MECOM: variants seen among roughly 807,000 people sequenced by gnomAD.
MECOM encodes the protein MDS1 and EVI1 complex locus.
Under a neutral mutation model 116.3 loss-of-function variants are expected in MECOM, and 13 were observed. That is an observed-to-expected ratio of 0.11 (90% confidence interval 0.07 to 0.18). The LOEUF is 0.18. MECOM is among the 10% of genes least tolerant of loss of function. The probability of loss-of-function intolerance (pLI) is 1.00; values close to 1 mark genes in which losing one functional copy is unlikely to be tolerated. For synonymous variants in MECOM, 528 were observed against 535.2 expected, an observed-to-expected ratio of 0.99 and a Z score of 0.19; for missense variants, 1,299 against 1,509.0, an observed-to-expected ratio of 0.86 and a Z score of 2.31.
intron 2 of MECOM, among the ~76,000 whole-genome samples, chr3:169,219,478 G>C (rs943157533): frequency 5.3e-5 from 8 of 152,232 alleles, no homozygotes; most frequent in African/African-American, 1.9e-4. Context: ...CTGCACTCCA[G>C]CCTGGGCGAC....
At chr3:169,379,160 G>GAAA (rs546780284) in intron 2 of MECOM, among the ~76,000 whole-genome samples, 1 of 131,148 alleles carries the variant, frequency 7.6e-6, no homozygotes. Flanking sequence ...GATTAAAAGA[G>GAAA]AAAAAAAAAA....
chr3:169,463,936 TC>T (rs1747862142), intron 1 of MECOM: 1 of 152,158 alleles, frequency 6.6e-6, no homozygotes, highest in Admixed American at 6.6e-5. Context: ...CACCTATTTT[TC>T]TTCAAGGGAT....
In MECOM at chr3:169,489,410, T is replaced by C. The variant is rs530802974; in HGVS notation, c.38-107886A>G. Among the ~76,000 whole-genome samples the C allele has an allele frequency of 1.5e-3, 229 of 152,326 alleles. 1 individual carries two copies. The highest frequency in any genetic ancestry group is 5.3e-3 in the African/African-American group (220 of 41,594). ...TGTGTGAAACTTGACAAGCTGACTG[T>C]AAATTTTATATGGAAGAATAAATGA... is the stretch of plus-strand genomic sequence containing the variant. On this transcript the variant is annotated intron_variant, in intron 1 of 16. Coordinates refer to ENST00000651503, the MANE Select transcript of MECOM (RefSeq NM_004991.4).
intron 11 of MECOM, among the ~76,000 whole-genome samples, chr3:169,101,287 G>T (rs930903753): frequency 2.0e-5 from 3 of 152,034 alleles, no homozygotes; most frequent in Admixed American, 1.3e-4. Context: ...CCAGATAAGG[G>T]GATAAAAATA....
intron 5 of MECOM, among the ~76,000 whole-genome samples, chr3:169,124,083 AT>A (rs1379340220): frequency 2.0e-5 from 3 of 152,144 alleles, no homozygotes; most frequent in Non-Finnish European, 4.4e-5. Context: ...GTTAGAGTAC[AT>A]TCGTTTTGAA....
intron 1 of MECOM, among the ~76,000 whole-genome samples, chr3:169,544,195 C>T (rs1760440101): frequency 6.6e-6 from 1 of 152,182 alleles, no homozygotes; most frequent in Non-Finnish European, 1.5e-5. Context: ...AACTGGTTAT[C>T]CCAGCTAGAA....
At chr3:169,216,178 C>T (rs1483616778) in intron 2 of MECOM, among the ~76,000 whole-genome samples, 1 of 152,172 alleles carries the variant, frequency 6.6e-6, no homozygotes, top group East Asian at 1.9e-4. Context: ...AGTTTTCTGG[C>T]TGCTTTCATT....
intron 7 of MECOM, among the ~76,000 whole-genome samples, chr3:169,119,048 A>G (rs1730122520): frequency 6.6e-6 from 1 of 152,350 alleles, no homozygotes; most frequent in East Asian, 1.9e-4. Context: ...GGCATTTTGA[A>G]TATATTCAGC....
At chr3:169,453,047 T>C (rs1745867451) in intron 1 of MECOM, among the ~76,000 whole-genome samples, 1 of 152,178 alleles carries the variant, frequency 6.6e-6, no homozygotes. Flanking sequence ...GAATGGGAAA[T>C]AGTAACTTAG....
intron 1 of MECOM, among the ~76,000 whole-genome samples, chr3:169,599,054 T>C (rs1033154065): frequency 1.3e-5 from 2 of 152,196 alleles, no homozygotes; most frequent in Non-Finnish European, 2.9e-5. Flanking sequence ...AACAGACATA[T>C]TCATTCATAC....
At chr3:169,244,814 A>C (rs1755380233) in intron 2 of MECOM, among the ~76,000 whole-genome samples, 1 of 152,226 alleles carries the variant, frequency 6.6e-6, no homozygotes, top group Non-Finnish European at 1.5e-5. Context: ...TTTCAGAGAG[A>C]TCAACAAGTA....
intron 2 of MECOM, among the ~76,000 whole-genome samples, chr3:169,323,076 A>G (rs748216529): frequency 1.3e-5 from 2 of 151,620 alleles, no homozygotes; most frequent in Non-Finnish European, 2.9e-5. Context: ...GGAAAAAAAG[A>G]AATGGTTTTC....
In MECOM at chr3:169,116,317, C is replaced by G; in HGVS notation, c.1555G>C (p.Glu519Gln). Residue 519 changes from glutamate to glutamine, a missense_variant, in exon 8 of 17, where the codon GAA becomes CAA. Glu to Gln is a conservative substitution (Grantham distance 29, BLOSUM62 2). Around this residue, in one of 6 missense-constraint regions of MECOM, gnomAD observed 238 missense variants for 273.1 expected, o/e 0.87. Coordinates refer to ENST00000651503, the MANE Select transcript of MECOM (RefSeq NM_004991.4). Reference protein sequence around the residue: ...SSPVKGLSSTEQTNKSQSPLM... With the variant: ...SSPVKGLSSTQQTNKSQSPLM... ...GGACTTTGACTTTTGTTTGTCTGTT[C>G]AGTACTTGATAGTCCTTTAACAGGA... 6.2e-7 allele frequency: 1 copy of G among 1,614,128 alleles called. No individual in the cohort carries two copies. Among genetic ancestry groups the G allele is most frequent in the Non-Finnish European group, 8.5e-7 (1 of 1,180,036 alleles).
At chr3:169,146,410 A>G (rs757934903) in intron 2 of MECOM, 14 of 1,394,710 alleles carry the variant, frequency 1.0e-5, no homozygotes, top group Admixed American at 1.9e-5. Context: ...ACAGAGACAC[A>G]CGGAGGGAGG....
chr3:169,140,129 A>G (rs1304038808), intron 3 of MECOM, among the ~76,000 whole-genome samples: 1 of 151,902 alleles, frequency 6.6e-6, no homozygotes, highest in Admixed American at 6.6e-5. Flanking sequence ...GATTTCCTTA[A>G]CCAACTCTCT....
At chr3:169,146,696 T>C in intron 2 of MECOM, 2 of 1,277,238 alleles carry the variant, frequency 1.6e-6, no homozygotes, top group Non-Finnish European at 2.0e-6. Context: ...AGACTTTTTT[T>C]CCTTTTAAAG....
At chr3:169,319,882 G>A (rs115589347) in intron 2 of MECOM, among the ~76,000 whole-genome samples, 9 of 152,360 alleles carry the variant, frequency 5.9e-5, no homozygotes, top group East Asian at 3.9e-4. Flanking sequence ...TTAACAAGAT[G>A]AGAGTCAAGA....
chr3:169,349,386 A>G (rs1197994601), intron 2 of MECOM, among the ~76,000 whole-genome samples: 1 of 151,892 alleles, frequency 6.6e-6, no homozygotes, highest in Non-Finnish European at 1.5e-5. Flanking sequence ...CTCTTTCTCC[A>G]GGAACATTGG....
rs1401056931 is a variant in MECOM at position 169,279,355 on chromosome 3, A to G, written c.375+101832T>C. ...GCTGGGTCAGTTTCTTCCTCACCAC[A>G]TTCCCCTCCTTCCCCCCACTACACA... On this transcript the variant is annotated intron_variant, in intron 2 of 16. Coordinates refer to ENST00000651503, the MANE Select transcript of MECOM (RefSeq NM_004991.4). Among the ~76,000 whole-genome samples the G allele has an allele frequency of 8.5e-5, 13 of 152,058 alleles. 1 individual carries two copies. The highest frequency in any genetic ancestry group is 6.6e-4 in the Admixed American group (10 of 15,252).
Sources: allele counts gnomAD v4.1 joint callset (sites outside exome capture counted in the v4.1 genomes callset), GRCh38; gene constraint gnomAD v4.1.1; regional missense constraint gnomAD v4.1.1; transcripts MANE v1.5; gene names NCBI Gene and HGNC (gene_info 2026-07-23, HGNC 2026-07-21).